ENPP6: variants seen among roughly 807,000 people sequenced by gnomAD.
ENPP6 encodes glycerophosphocholine cholinephosphodiesterase ENPP6.
In ENPP6, 32 loss-of-function variants were observed where a neutral mutation model predicts 42.0. The observed-to-expected ratio is 0.76, with a 90% CI of 0.58 to 1.02. ENPP6 has a LOEUF of 1.02. Ranked by LOEUF, ENPP6 falls within the 50% of genes least tolerant of loss-of-function variation. The probability of loss-of-function intolerance (pLI) is 0.00; values close to 1 mark genes in which losing one functional copy is unlikely to be tolerated. For synonymous variants in ENPP6, 213 were observed against 216.0 expected (o/e 0.99, Z 0.12); for missense variants, 552 against 566.8 (o/e 0.97, Z 0.27).
chr4:184,113,016 ACT>A (rs1266817492), intron 5 of ENPP6, among the ~76,000 whole-genome samples: 3 of 152,192 alleles, frequency 2.0e-5, no homozygotes, highest in African/African-American at 4.8e-5. Context: ...AGATCCTCAC[ACT>A]CTCTCACCTA....
At chr4:184,145,195 C>T (rs189325050) in intron 2 of ENPP6, among the ~76,000 whole-genome samples, 14 of 152,336 alleles carry the variant, frequency 9.2e-5, no homozygotes, top group South Asian at 2.1e-4. Context: ...GCATGTGGAA[C>T]GACTCGCTCA....
intron 2 of ENPP6, among the ~76,000 whole-genome samples, chr4:184,136,352 C>T (rs1472733826): frequency 6.6e-6 from 1 of 151,976 alleles, no homozygotes; most frequent in Non-Finnish European, 1.5e-5. Flanking sequence ...CTTTAATTCT[C>T]TACAGGATTT....
chr4:184,186,199 A>G (rs900172671), intron 1 of ENPP6, among the ~76,000 whole-genome samples: 27 of 152,380 alleles, frequency 1.8e-4, no homozygotes, highest in African/African-American at 6.5e-4. Flanking sequence ...CTTGAGGAAT[A>G]GCCATACAAT....
intron 1 of ENPP6, among the ~76,000 whole-genome samples, chr4:184,208,911 C>A (rs1733055927): frequency 6.9e-6 from 1 of 144,484 alleles, no homozygotes; most frequent in African/African-American, 2.5e-5. Flanking sequence ...ACTGCCTCCT[C>A]AAGTGGGTCC....
intron 6 of ENPP6, among the ~76,000 whole-genome samples, chr4:184,110,575 A>G (rs1040694651): frequency 6.6e-6 from 1 of 152,168 alleles, no homozygotes; most frequent in Non-Finnish European, 1.5e-5. Flanking sequence ...TCCCTGATAA[A>G]AGTAGGAGAC....
intron 1 of ENPP6, among the ~76,000 whole-genome samples, chr4:184,167,947 G>C (rs1012060649): frequency 6.6e-6 from 1 of 152,168 alleles, no homozygotes; most frequent in Admixed American, 6.5e-5. Flanking sequence ...GGATCAAAGA[G>C]CAACTCAAGG....
At chr4:184,100,829 A>G (rs971142048) in intron 6 of ENPP6, among the ~76,000 whole-genome samples, 27 of 152,110 alleles carry the variant, frequency 1.8e-4, no homozygotes, top group African/African-American at 6.5e-4. Flanking sequence ...ATTCAGTTCT[A>G]CGGATGTGGA....
chr4:184,214,411 C>T (rs1733165443), intron 1 of ENPP6, among the ~76,000 whole-genome samples: 1 of 152,162 alleles, frequency 6.6e-6, no homozygotes, highest in Non-Finnish European at 1.5e-5. Flanking sequence ...TAGATGGTTT[C>T]AAGGTTGCTC....
At chr4:184,195,709 T>C (rs1361392727) in intron 1 of ENPP6, among the ~76,000 whole-genome samples, 1 of 152,244 alleles carries the variant, frequency 6.6e-6, no homozygotes, top group Non-Finnish European at 1.5e-5. Context: ...TGTTTCTGGC[T>C]GATTTCACTT....
chr4:184,182,504 T>C (rs1338843973), intron 1 of ENPP6, among the ~76,000 whole-genome samples: 1 of 152,196 alleles, frequency 6.6e-6, no homozygotes, highest in Non-Finnish European at 1.5e-5. Flanking sequence ...GGATTCCTAT[T>C]ACTGGGTATA....
chr4:184,132,029 A>G (rs571077615), intron 2 of ENPP6, among the ~76,000 whole-genome samples: 1 of 152,254 alleles, frequency 6.6e-6, no homozygotes, highest in South Asian at 2.1e-4. Flanking sequence ...AGCTGAAGCG[A>G]TTAGGTAGGA....
intron 2 of ENPP6, among the ~76,000 whole-genome samples, chr4:184,134,219 T>A (rs1054498516): frequency 1.3e-5 from 2 of 152,128 alleles, no homozygotes; most frequent in Admixed American, 1.3e-4. Context: ...ACTCTGGGGA[T>A]GTTCTTGCCT....
chr4:184,125,092 G>A (rs972323866), intron 2 of ENPP6, among the ~76,000 whole-genome samples: 2 of 152,206 alleles, frequency 1.3e-5, no homozygotes, highest in Non-Finnish European at 2.9e-5. Flanking sequence ...CTCCTTCCGG[G>A]AGCATCCCAG....
At chr4:184,216,923 T>C (rs1733205569) in intron 1 of ENPP6, 1 of 152,224 alleles carries the variant, frequency 6.6e-6, no homozygotes, top group Admixed American at 6.5e-5. Context: ...GAGTTTTTGC[T>C]GGTTGGTCTT....
chr4:184,176,325 A>G (rs1204161820), intron 1 of ENPP6, among the ~76,000 whole-genome samples: 2 of 152,252 alleles, frequency 1.3e-5, no homozygotes, highest in African/African-American at 4.8e-5. Context: ...TGCATTGCCA[A>G]CATTATTTGC....
chr4:184,120,990 C>T (rs531727231), intron 3 of ENPP6, among the ~76,000 whole-genome samples: 1 of 152,266 alleles, frequency 6.6e-6, no homozygotes, highest in South Asian at 2.1e-4. Context: ...AAGAGCTGGG[C>T]TCTTGCTCCA....
At chr4:184,103,447 C>A (rs1364846587) in intron 6 of ENPP6, among the ~76,000 whole-genome samples, 1 of 152,176 alleles carries the variant, frequency 6.6e-6, no homozygotes, top group Admixed American at 6.5e-5. Context: ...TCTTCTAGGA[C>A]ACGGTTATAA....
intron 2 of ENPP6, among the ~76,000 whole-genome samples, chr4:184,131,259 T>TTCCTTCCTCCCTTC (rs1553996065): frequency 1.4e-5 from 1 of 73,280 alleles, no homozygotes; most frequent in African/African-American, 5.5e-5. Context: ...TTTCTCTTTC[T>TTCCTTCCTCCCTTC]CTTCCTTCCT....
intron 2 of ENPP6, among the ~76,000 whole-genome samples, chr4:184,136,020 C>T (rs1401326805): frequency 6.6e-6 from 1 of 152,026 alleles, no homozygotes; most frequent in Non-Finnish European, 1.5e-5. Flanking sequence ...ATATCCATCA[C>T]ACATTTGATA....
Sources: gnomAD v4.1 joint callset for allele counts (sites outside exome capture counted in the v4.1 genomes callset) on GRCh38, gnomAD v4.1.1 for gene constraint, MANE v1.5 for transcripts, NCBI Gene and HGNC (gene_info 2026-07-23, HGNC 2026-07-21) for gene names.